FABP7: variants seen among roughly 807,000 people sequenced by gnomAD.
FABP7 encodes fatty acid-binding protein, brain.
A neutral mutation model predicts 14.2 loss-of-function variants in FABP7; 13 were observed. That is an observed-to-expected ratio of 0.91 (90% CI 0.59 to 1.45). The LOEUF is 1.45. FABP7 is among the 40% of genes most tolerant of loss of function. The pLI, the probability that FABP7 is intolerant of heterozygous loss-of-function variation, is 0.00. For synonymous variants in FABP7, 49 were observed against 51.4 expected, an observed-to-expected ratio of 0.95 and a Z score of 0.20; for missense variants, 149 against 157.6, an observed-to-expected ratio of 0.95 and a Z score of 0.29.
chr6:122,758,173 T>C, the FABP7 span, among the ~76,000 whole-genome samples: 2 of 145,376 alleles, frequency 1.4e-5, no homozygotes, highest in African/African-American at 5.0e-5. Flanking sequence ...TGTAGCACAA[T>C]CTTGGCTCTA....
At chr6:122,759,507 G>A in the FABP7 span, among the ~76,000 whole-genome samples, 1 of 152,124 alleles carries the variant, frequency 6.6e-6, no homozygotes, top group South Asian at 2.1e-4. Context: ...CTTAATCAGA[G>A]GATACAGAAT....
At chr6:122,760,288 C>T in the FABP7 span, among the ~76,000 whole-genome samples, 2 of 152,118 alleles carry the variant, frequency 1.3e-5, no homozygotes, top group African/African-American at 4.8e-5. Flanking sequence ...TACTTTAATC[C>T]TGTAAAATGT....
At chr6:122,749,473 T>C in the FABP7 span, among the ~76,000 whole-genome samples, 1 of 152,222 alleles carries the variant, frequency 6.6e-6, no homozygotes, top group South Asian at 2.1e-4. Context: ...TGTGTGAATA[T>C]TTCCATATTA....
rs995378966 is a variant in FABP7, at chr6:122,779,745, T to C, written c.-50T>C. The C allele has an allele frequency of 1.3e-6, 2 of 1,578,930 alleles. No homozygotes were observed. The highest frequency in any genetic ancestry group is 2.7e-5 in the African/African-American group (2 of 74,228). ...AGGGTCTTCTGAGCTGCAGTGGCAATTAGACCAGAAGATCCCCGCTCCTGT... is the reference window on the plus strand; with the variant it reads ...AGGGTCTTCTGAGCTGCAGTGGCAACTAGACCAGAAGATCCCCGCTCCTGT... On this transcript the variant is annotated 5_prime_UTR_variant, in exon 1 of 4. Coordinates refer to ENST00000368444, the MANE Select transcript of FABP7 (RefSeq NM_001446.5).
At chr6:122,778,527 C>T (rs568163631), upstream of FABP7, among the ~76,000 whole-genome samples, 30 of 152,216 alleles carry the variant, frequency 2.0e-4, no homozygotes, top group African/African-American at 7.2e-4. Flanking sequence ...GAGAGAAGGG[C>T]AGGGAATATC....
At chr6:122,770,593 A>G in the FABP7 span, among the ~76,000 whole-genome samples, 8 of 152,164 alleles carry the variant, frequency 5.3e-5, no homozygotes, top group African/African-American at 1.9e-4. Context: ...TATTACATAC[A>G]TAGGATTTCA....
At chr6:122,776,061 T>C (rs1472467697), upstream of FABP7, among the ~76,000 whole-genome samples, 3 of 152,120 alleles carry the variant, frequency 2.0e-5, no homozygotes, top group Non-Finnish European at 4.4e-5. Flanking sequence ...AAAGGGGCAA[T>C]GCTTATACAC....
At chr6:122,765,583 G>A in the FABP7 span, among the ~76,000 whole-genome samples, 1 of 151,846 alleles carries the variant, frequency 6.6e-6, no homozygotes, top group African/African-American at 2.4e-5. Context: ...TATTCAAAAT[G>A]TCTCTGCATT....
chr6:122,765,317 TC>T, the FABP7 span, among the ~76,000 whole-genome samples: 1 of 152,114 alleles, frequency 6.6e-6, no homozygotes, highest in South Asian at 2.1e-4. Flanking sequence ...AAAGTTTAGG[TC>T]CTTTTTTCAT....
chr6:122,775,733 A>G (rs996882179), upstream of FABP7, among the ~76,000 whole-genome samples: 1 of 152,078 alleles, frequency 6.6e-6, no homozygotes, highest in Non-Finnish European at 1.5e-5. Flanking sequence ...AATACTAAAC[A>G]AAGCGGAGAG....
In FABP7 at chr6:122,783,892, A is replaced by C; in HGVS notation, c.*125A>C. 1 of 738,324 alleles carries C rather than the reference A, an allele frequency of 1.4e-6. No individual in the cohort carries two copies. Among genetic ancestry groups the C allele is most frequent in the Non-Finnish European group, 2.2e-6 (1 of 463,340 alleles). 45.7% of individuals were successfully genotyped at this position (738,324 alleles called of 1,614,324 possible). ...GTTATCCTTGGTGTGGAGGTGGAAAATGGTGATTTAAAAACTTGTTACTCC... is the reference window on the plus strand; with the variant it reads ...GTTATCCTTGGTGTGGAGGTGGAAACTGGTGATTTAAAAACTTGTTACTCC... On this transcript the variant is annotated 3_prime_UTR_variant, in exon 4 of 4. Coordinates refer to ENST00000368444, the MANE Select transcript of FABP7 (RefSeq NM_001446.5).
the FABP7 span, among the ~76,000 whole-genome samples, chr6:122,751,330 G>A: frequency 6.6e-6 from 1 of 152,172 alleles, no homozygotes; most frequent in Non-Finnish European, 1.5e-5. Context: ...CTACATAAAT[G>A]TGTGCTTCTA....
chr6:122,768,794 C>G, the FABP7 span, among the ~76,000 whole-genome samples: 2 of 151,990 alleles, frequency 1.3e-5, no homozygotes, highest in African/African-American at 2.4e-5. Flanking sequence ...TTAGAAAATA[C>G]TTTAATAAGC....
the FABP7 span, among the ~76,000 whole-genome samples, chr6:122,753,378 G>T: frequency 6.6e-6 from 1 of 152,106 alleles, no homozygotes; most frequent in African/African-American, 2.4e-5. Flanking sequence ...AGACTTCTGT[G>T]CATCTACTCA....
chr6:122,767,916 G>A, the FABP7 span, among the ~76,000 whole-genome samples: 192 of 152,048 alleles, frequency 1.3e-3, 2 homozygotes, highest in Non-Finnish European at 2.0e-3. Flanking sequence ...TTAAAAATAA[G>A]AACTTTTGGT....
At chr6:122,750,855 G>T in the FABP7 span, among the ~76,000 whole-genome samples, 1 of 152,218 alleles carries the variant, frequency 6.6e-6, no homozygotes, top group South Asian at 2.1e-4. Flanking sequence ...AAAGTTGAGA[G>T]ACTACGCTGA....
the FABP7 span, among the ~76,000 whole-genome samples, chr6:122,773,817 C>T: frequency 1.2e-4 from 18 of 151,962 alleles, no homozygotes; most frequent in African/African-American, 4.1e-4. Flanking sequence ...GGAGATTCAG[C>T]GTCATGTGAA....
the FABP7 span, among the ~76,000 whole-genome samples, chr6:122,760,339 C>T: frequency 6.6e-6 from 1 of 152,162 alleles, no homozygotes; most frequent in Non-Finnish European, 1.5e-5. Context: ...CTGAAGTCTA[C>T]TTTATCTCAT....
At chr6:122,781,389 G>T in intron 3 of FABP7, 195 bp downstream of exon 3, 1 of 1,429,270 alleles carries the variant, frequency 7.0e-7, no homozygotes. Context: ...TTCTTCTTCA[G>T]CTCAACTTCT....
Sources: gnomAD v4.1 joint callset for allele counts (sites outside exome capture counted in the v4.1 genomes callset) on GRCh38, gnomAD v4.1.1 for gene constraint, MANE v1.5 for transcripts, NCBI Gene and HGNC (gene_info 2026-07-23, HGNC 2026-07-21) for gene names.